Variants in ARFGAP3 observed in about 807,000 individuals in gnomAD.
The protein encoded by ARFGAP3 is ADP-ribosylation factor GTPase-activating protein 3.
Under a neutral mutation model 75.0 loss-of-function variants are expected in ARFGAP3, and 72 were observed. The ratio of observed to expected loss-of-function variants is 0.96; its 90% CI spans 0.79 to 1.17. The LOEUF is 1.17. Ranked by LOEUF, ARFGAP3 falls within the 50% of genes most tolerant of loss-of-function variation. The pLI, the probability that ARFGAP3 is intolerant of heterozygous loss-of-function variation, is 0.00. For synonymous variants in ARFGAP3, 221 were observed against 217.9 expected (o/e 1.01, Z -0.13); for missense variants, 620 against 626.6 (o/e 0.99, Z 0.11).
At chr22:42,841,119 G>A (rs1926762670) in intron 2 of ARFGAP3, 103 bp from the exon 3 acceptor site, 1 of 1,486,710 alleles carries the variant, frequency 6.7e-7, no homozygotes, top group Non-Finnish European at 8.9e-7. Context: ...GGATCCTAAA[G>A]AATTCTAAGT....
intron 5 of ARFGAP3, among the ~76,000 whole-genome samples, chr22:42,833,130 C>T (rs1926370361): frequency 6.6e-6 from 1 of 152,162 alleles, no homozygotes; most frequent in Non-Finnish European, 1.5e-5. Flanking sequence ...CTGTTGCTAT[C>T]AGGTCACAAA....
intron 14 of ARFGAP3, among the ~76,000 whole-genome samples, chr22:42,806,163 C>G (rs573844782): frequency 2.6e-4 from 39 of 152,328 alleles, no homozygotes; most frequent in Admixed American, 2.2e-3. Flanking sequence ...GAATGCCTGG[C>G]TCCTGAGAGT....
At chr22:42,798,721 CAG>C (rs1415272198) in intron 15 of ARFGAP3, among the ~76,000 whole-genome samples, 2 of 152,098 alleles carry the variant, frequency 1.3e-5, no homozygotes, top group African/African-American at 2.4e-5. Context: ...AAAATATTAA[CAG>C]AGGTTATCCC....
At chr22:42,812,365 G>A (rs1925405129) in intron 11 of ARFGAP3, among the ~76,000 whole-genome samples, 1 of 152,144 alleles carries the variant, frequency 6.6e-6, no homozygotes, top group Non-Finnish European at 1.5e-5. Context: ...ATCCCAGGGA[G>A]GTCTTAGGAA....
intron 14 of ARFGAP3, among the ~76,000 whole-genome samples, chr22:42,800,209 C>A (rs907335631): frequency 4.6e-5 from 7 of 152,126 alleles, no homozygotes. Flanking sequence ...ACTCCCTAAG[C>A]CCCACATGAC....
At chr22:42,820,244 C>T (rs1044561139) in intron 9 of ARFGAP3, among the ~76,000 whole-genome samples, 3 of 152,218 alleles carry the variant, frequency 2.0e-5, no homozygotes, top group African/African-American at 7.2e-5. Context: ...TCTAACCTTT[C>T]CCTTTGCCAG....
chr22:42,826,073 A>C (rs184038768), intron 7 of ARFGAP3, among the ~76,000 whole-genome samples: 1 of 152,298 alleles, frequency 6.6e-6, no homozygotes, highest in African/African-American at 2.4e-5. Flanking sequence ...CCAAACTCTG[A>C]CGAGTCTAAA....
intron 14 of ARFGAP3, among the ~76,000 whole-genome samples, chr22:42,800,934 C>T (rs542689745): frequency 1.3e-5 from 2 of 152,290 alleles, no homozygotes; most frequent in African/African-American, 4.8e-5. Flanking sequence ...TATCTTTTCC[C>T]AGAACACCCA....
Position 42,814,101 on chromosome 22 carries a change from C to T in ARFGAP3, c.1064+3041G>A, listed in dbSNP as rs77134999. 8.9e-3 allele frequency among the ~76,000 whole-genome samples: 1,358 copies of T among 152,154 alleles called. 25 individuals are homozygous for T. Among genetic ancestry groups the T allele is most frequent in the African/African-American group, 0.031 (1,290 of 41,496 alleles). Reference sequence around the variant, plus strand: ...ATTGTTCTAGTTTCATTATCTTGTACTCAATATATAATTATACTGTTTATA... The same window carrying T: ...ATTGTTCTAGTTTCATTATCTTGTATTCAATATATAATTATACTGTTTATA... On this transcript the variant is annotated intron_variant, in intron 11 of 15. Coordinates refer to ENST00000263245, the MANE Select transcript of ARFGAP3 (RefSeq NM_014570.5).
intron 14 of ARFGAP3, among the ~76,000 whole-genome samples, chr22:42,806,788 G>T (rs924788644): frequency 6.6e-6 from 1 of 152,182 alleles, no homozygotes; most frequent in African/African-American, 2.4e-5. Flanking sequence ...ATAGCACATG[G>T]TATTTCATAG....
chr22:42,848,396 G>T (rs1021349344), intron 1 of ARFGAP3, among the ~76,000 whole-genome samples: 9 of 152,098 alleles, frequency 5.9e-5, no homozygotes, highest in Non-Finnish European at 1.3e-4. Context: ...ATTTAGTAGA[G>T]ATGGGGTTTC....
intron 3 of ARFGAP3, among the ~76,000 whole-genome samples, chr22:42,837,671 ACTTC>A: frequency 1.2e-5 from 1 of 86,938 alleles, no homozygotes. Context: ...TCTAAGGCAT[ACTTC>A]TTTTTTTTTT....
intron 14 of ARFGAP3, among the ~76,000 whole-genome samples, chr22:42,802,116 G>C (rs1924888118): frequency 6.6e-6 from 1 of 152,102 alleles, no homozygotes; most frequent in African/African-American, 2.4e-5. Context: ...TGTGGGAAGA[G>C]TGAGGAGAGG....
chr22:42,827,285 T>C (rs1270797964), intron 6 of ARFGAP3, among the ~76,000 whole-genome samples: 2 of 152,260 alleles, frequency 1.3e-5, no homozygotes, highest in African/African-American at 2.4e-5. Context: ...TGATTTAATG[T>C]GACCTGTCAA....
At chr22:42,828,485 T>G (rs1004027725) in intron 6 of ARFGAP3, among the ~76,000 whole-genome samples, 1 of 151,442 alleles carries the variant, frequency 6.6e-6, no homozygotes, top group Non-Finnish European at 1.5e-5. Context: ...GAACCCGGGA[T>G]GCAGAGGTTG....
At chr22:42,799,224 C>T (rs1402644677) in intron 14 of ARFGAP3, 64 bp from the exon 15 acceptor site, 1 of 1,593,536 alleles carries the variant, frequency 6.3e-7, no homozygotes, top group East Asian at 2.3e-5. Flanking sequence ...AAACCCAGTA[C>T]CCAGAGTGCT....
intron 6 of ARFGAP3, among the ~76,000 whole-genome samples, chr22:42,829,751 T>C (rs111680093): frequency 3.3e-5 from 5 of 152,376 alleles, no homozygotes; most frequent in African/African-American, 1.2e-4. Context: ...TTTATGAGAT[T>C]TGAATATGCC....
chr22:42,835,559 T>C (rs1926485439), intron 3 of ARFGAP3, 66 bp from the exon 4 acceptor site: 22 of 1,580,208 alleles, frequency 1.4e-5, no homozygotes, highest in East Asian at 2.3e-5. Flanking sequence ...CAGTGGCTCA[T>C]GCCTGTAATC....
chr22:42,837,569 A>G (rs1926574345), intron 3 of ARFGAP3, among the ~76,000 whole-genome samples: 1 of 138,382 alleles, frequency 7.2e-6, no homozygotes, highest in Non-Finnish European at 1.5e-5. Context: ...GCAGTGAGCT[A>G]TGATTTTGCC....
Sources: allele counts gnomAD v4.1 joint callset (sites outside exome capture counted in the v4.1 genomes callset), GRCh38; gene constraint gnomAD v4.1.1; transcripts MANE v1.5; gene names NCBI Gene and HGNC (gene_info 2026-07-23, HGNC 2026-07-21).